NUP54: variants seen among roughly 807,000 people sequenced by gnomAD.
NUP54 encodes nucleoporin p54.
NUP54 carries 27 observed loss-of-function variants against 66.4 expected under a neutral mutation model. The ratio of observed to expected loss-of-function variants is 0.41; its 90% confidence interval spans 0.30 to 0.56. NUP54 has a LOEUF of 0.56. Ranked by LOEUF, NUP54 falls within the 20% of genes least tolerant of loss-of-function variation. NUP54 has a pLI of 0.34. For synonymous variants in NUP54, 206 were observed against 210.7 expected, an observed-to-expected ratio of 0.98 and a Z score of 0.19; for missense variants, 486 against 596.3, an observed-to-expected ratio of 0.82 and a Z score of 1.93.
intron 9 of NUP54, 73 bp downstream of exon 9, chr4:76,124,576 A>C: frequency 1.9e-6 from 1 of 522,794 alleles, no homozygotes. Context: ...TTCTATTTTA[A>C]AAATCTATAT....
chr4:76,140,769 T>C lies in NUP54; in HGVS notation c.295+3380A>G, dbSNP rs575171189. On this transcript the variant is annotated intron_variant, in intron 3 of 11. Transcript: ENST00000264883. The stretch of plus-strand genomic sequence containing the variant: ...TGGTGATCAAGAATTTAGAGAGGTA[T>C]TATCCCCTCTTCCATAATGTGTGAT... Among the ~76,000 whole-genome samples the C allele has an allele frequency of 6.6e-5, 10 of 152,320 alleles. No homozygotes were observed. In the South Asian group the frequency reaches 1.9e-3, roughly 28 times the overall value.
chr4:76,119,302 T>G (rs1220331322), intron 9 of NUP54, among the ~76,000 whole-genome samples: 1 of 152,162 alleles, frequency 6.6e-6, no homozygotes, highest in Non-Finnish European at 1.5e-5. Context: ...TTGCTCATCA[T>G]ACAGAGAGAG....
Position 76,115,145 on chromosome 4 carries a change from T to TA in NUP54, c.*220dup, listed in dbSNP as rs1382701877. 1.0e-5 allele frequency: 4 copies of TA among 385,312 alleles called. No individual in the cohort carries two copies. The highest frequency in any genetic ancestry group is 8.4e-5 in the African/African-American group (4 of 47,866). 23.9% of individuals were successfully genotyped at this position (385,312 alleles called of 1,614,324 possible). ...AATTATGCACTTCTTTTAAAGTAAA[T>TA]ACAGCTTTTAGATATAAATCTTTCA... On this transcript the variant is annotated 3_prime_UTR_variant, in exon 12 of 12. Coordinates refer to ENST00000264883, the MANE Select transcript of NUP54 (RefSeq NM_017426.4).
intron 1 of NUP54, chr4:76,145,615 G>A (rs1731466953): frequency 8.1e-7 from 1 of 1,241,606 alleles, no homozygotes; most frequent in Admixed American, 2.7e-5. Context: ...TGGAATGCTA[G>A]CCAATCTAAA....
chr4:76,115,152 T>G lies in NUP54; in HGVS notation c.*214A>C. 2.5e-6 allele frequency: 1 copy of G among 400,936 alleles called. No homozygotes were observed. The highest frequency in any genetic ancestry group is 4.4e-6 in the Non-Finnish European group (1 of 229,826). The allele number at this position is 400,936 out of a possible 1,614,324, so 24.8% of individuals were successfully genotyped here. A position where few individuals can be genotyped will look rare whatever the true frequency, so the allele number is the denominator to read the frequency against. On this transcript the variant is annotated 3_prime_UTR_variant, in exon 12 of 12. Transcript: ENST00000264883. ...CACTTCTTTTAAAGTAAATACAGCT[T>G]TTAGATATAAATCTTTCAAAGGTTT...
chr4:76,118,508 G>C (rs1000610517), intron 9 of NUP54: 1 of 193,390 alleles, frequency 5.2e-6, no homozygotes, highest in Non-Finnish European at 1.0e-5. Flanking sequence ...CAGCTCCTGA[G>C]TAGCTGGGAC....
intron 6 of NUP54, among the ~76,000 whole-genome samples, chr4:76,131,910 G>A (rs1432491116): frequency 6.6e-6 from 1 of 152,016 alleles, no homozygotes; most frequent in Non-Finnish European, 1.5e-5. Context: ...TGTATCCATG[G>A]AATACTATGC....
intron 11 of NUP54, among the ~76,000 whole-genome samples, chr4:76,117,236 A>G (rs1729988684): frequency 6.6e-6 from 1 of 152,208 alleles, no homozygotes; most frequent in African/African-American, 2.4e-5. Context: ...ATTGCATTGT[A>G]GCATGTGTCA....
In NUP54 at chr4:76,136,304, T is replaced by A. The variant is rs570764005; in HGVS notation, c.404A>T (p.Asp135Val). Residue 135 changes from aspartate to valine, a missense_variant, in exon 4 of 12, where the codon GAT (aspartate) becomes GTT (valine). Around this residue, in one of 4 missense-constraint regions of NUP54, gnomAD observed 41 missense variants for 82.7 expected, o/e 0.50. Transcript: ENST00000264883. ...TTGATTCCATTTTGCCAAAATAGCA[T>A]CTCTCTCATCTCCCAACAGCGTTGG... The part of the protein sequence containing the change: ...SAPTLLGDER[D>V]AILAKWNQLQ... The A allele has an allele frequency of 1.2e-6, 2 of 1,614,098 alleles. No individual in the cohort carries two copies. The highest frequency in any genetic ancestry group is 1.7e-6 in the Non-Finnish European group (2 of 1,179,956).
chr4:76,141,773 A>C (rs1341362693), intron 3 of NUP54, among the ~76,000 whole-genome samples: 1 of 152,194 alleles, frequency 6.6e-6, no homozygotes, highest in African/African-American at 2.4e-5. Context: ...ATCCTACAAC[A>C]GTTTAGAATT....
At chr4:76,133,856 A>G (rs906280714) in intron 5 of NUP54, among the ~76,000 whole-genome samples, 1 of 152,234 alleles carries the variant, frequency 6.6e-6, no homozygotes, top group African/African-American at 2.4e-5. Context: ...TTCATGAATG[A>G]ACATGAACAG....
chr4:76,133,508 C>T (rs1730905422), intron 5 of NUP54, among the ~76,000 whole-genome samples: 1 of 151,914 alleles, frequency 6.6e-6, no homozygotes, highest in Non-Finnish European at 1.5e-5. Context: ...AGGGTTTCAC[C>T]GTGTCAGCCA....
chr4:76,143,541 T>C, intron 3 of NUP54, among the ~76,000 whole-genome samples: 1 of 152,036 alleles, frequency 6.6e-6, no homozygotes, highest in East Asian at 1.9e-4. Flanking sequence ...GAGGCGGAGG[T>C]TGCAGTGAGC....
At chr4:76,124,618 A>G (rs748680833) in intron 9 of NUP54, 31 bp downstream of exon 9, 4 of 981,110 alleles carry the variant, frequency 4.1e-6, no homozygotes, top group Non-Finnish European at 3.2e-6. Context: ...ATAGTCTTAT[A>G]AACACTGGGG....
At chr4:76,117,864 CTA>C in intron 10 of NUP54, 90 bp from the exon 11 acceptor site, 1 of 1,164,440 alleles carries the variant, frequency 8.6e-7, no homozygotes, top group South Asian at 1.4e-5. Flanking sequence ...TCAAAACCAT[CTA>C]TTAAAAATTT....
At chr4:76,128,460 CAG>C (rs1194214923) in intron 8 of NUP54, among the ~76,000 whole-genome samples, 1 of 137,604 alleles carries the variant, frequency 7.3e-6, no homozygotes, top group Non-Finnish European at 1.6e-5. Context: ...GAATGAAAAA[CAG>C]AGGCTACAAA....
intron 3 of NUP54, among the ~76,000 whole-genome samples, chr4:76,140,460 A>G (rs1281848393): frequency 2.0e-5 from 3 of 151,640 alleles, no homozygotes; most frequent in Non-Finnish European, 4.4e-5. Flanking sequence ...TAATTTTTGT[A>G]TTTTTAGTGG....
intron 6 of NUP54, 55 bp downstream of exon 6, chr4:76,132,468 G>A: frequency 6.0e-6 from 8 of 1,329,032 alleles, no homozygotes; most frequent in Non-Finnish European, 7.1e-6. Context: ...AATACGGGGA[G>A]TGTTTAGTTC....
chr4:76,130,474 A>T (rs1441118135), intron 8 of NUP54, among the ~76,000 whole-genome samples, 182 bp downstream of exon 8: 8 of 152,180 alleles, frequency 5.3e-5, no homozygotes, highest in Non-Finnish European at 2.9e-5. Context: ...ATCAAATCAG[A>T]TTCATGTGAT....
Sources: gnomAD v4.1 joint callset for allele counts (sites outside exome capture counted in the v4.1 genomes callset) on GRCh38, gnomAD v4.1.1 for gene constraint, gnomAD v4.1.1 regional missense constraint, MANE v1.5 for transcripts, NCBI Gene and HGNC (gene_info 2026-07-23, HGNC 2026-07-21) for gene names.